CSNK1A1: variants seen among roughly 807,000 people sequenced by gnomAD.
The protein encoded by CSNK1A1 is casein kinase I isoform alpha.
A neutral mutation model predicts 46.1 loss-of-function variants in CSNK1A1; 7 were observed. The observed-to-expected ratio is 0.15, with a 90% CI of 0.09 to 0.29. CSNK1A1 has a LOEUF of 0.29. Among genes scored for constraint, CSNK1A1 ranks in the 10% least tolerant of loss-of-function variants. CSNK1A1 has a pLI of 1.00. For missense variants in CSNK1A1, 96 were observed against 417.1 expected (o/e 0.23, Z 6.71); for synonymous variants, 137 against 141.5 (o/e 0.97, Z 0.23).
intron 9 of CSNK1A1, among the ~76,000 whole-genome samples, chr5:149,499,957 T>A (rs1212754829): frequency 7.8e-5 from 6 of 76,558 alleles, no homozygotes; most frequent in Non-Finnish European, 1.7e-4. Flanking sequence ...GGGGTTTTTT[T>A]TCTTTTTTTC....
Position 149,505,535 on chromosome 5 carries a change from T to C in CSNK1A1, c.918A>G (p.Ala306=), listed in dbSNP as rs757227847. 7 of 1,614,078 alleles carry C rather than the reference T, an allele frequency of 4.3e-6. No homozygotes were observed. The highest frequency in any genetic ancestry group is 5.9e-6 in the Non-Finnish European group (7 of 1,180,046). ...FDWTMLKQKA[A]QQAASSSGQG... is the part of the protein sequence containing the mutation. Reference sequence around the variant, plus strand: ...GCCCACTGGAAGAGGCTGCCTGCTGTGCTGCTTTCTGCTTTAACATTGTCC... The same window carrying C: ...GCCCACTGGAAGAGGCTGCCTGCTGCGCTGCTTTCTGCTTTAACATTGTCC... The change falls in exon 9 of 10, where the codon GCA becomes GCG. Residue 306 remains alanine (A), a synonymous_variant. Coordinates refer to ENST00000377843, the MANE Select transcript of CSNK1A1 (RefSeq NM_001892.6).
At chr5:149,498,493 A>G (rs1760725829) in intron 9 of CSNK1A1, 3 of 985,350 alleles carry the variant, frequency 3.0e-6, no homozygotes, top group Non-Finnish European at 2.4e-6. Flanking sequence ...TTTAAAATAC[A>G]GGAAAAGTTT....
At chr5:149,530,696 G>A (rs557230894) in intron 2 of CSNK1A1, among the ~76,000 whole-genome samples, 13 of 152,118 alleles carry the variant, frequency 8.5e-5, no homozygotes, top group Non-Finnish European at 1.6e-4. Context: ...GGCCAGGCGC[G>A]GTGGCTCACG....
intron 2 of CSNK1A1, among the ~76,000 whole-genome samples, chr5:149,534,507 A>G (rs1762000264): frequency 7.1e-6 from 1 of 141,292 alleles, no homozygotes. Context: ...AAAAAAAAAA[A>G]AGAAGGCTTC....
intron 2 of CSNK1A1, chr5:149,545,649 A>G (rs1762456435): frequency 1.1e-5 from 10 of 892,046 alleles, no homozygotes; most frequent in Middle Eastern, 3.5e-4. Flanking sequence ...CAGCAAGTGC[A>G]CTCATTGCCT....
intron 2 of CSNK1A1, among the ~76,000 whole-genome samples, chr5:149,531,067 T>C (rs1364161929): frequency 6.6e-6 from 1 of 152,056 alleles, no homozygotes; most frequent in Admixed American, 6.6e-5. Context: ...CATATTTGTA[T>C]ATGCCATTCT....
chr5:149,522,097 T>C (rs1164999182), intron 3 of CSNK1A1, among the ~76,000 whole-genome samples: 1 of 152,134 alleles, frequency 6.6e-6, no homozygotes, highest in Non-Finnish European at 1.5e-5. Context: ...TTGTATACAA[T>C]AGAAGTTCTG....
intron 4 of CSNK1A1, among the ~76,000 whole-genome samples, chr5:149,516,884 G>C (rs1317854369): frequency 6.6e-6 from 1 of 152,128 alleles, no homozygotes; most frequent in African/African-American, 2.4e-5. Context: ...GATACATGTG[G>C]ATAATTTAAG....
At chr5:149,535,709 G>A (rs988551433) in intron 2 of CSNK1A1, among the ~76,000 whole-genome samples, 11 of 151,962 alleles carry the variant, frequency 7.2e-5, no homozygotes, top group African/African-American at 2.2e-4. Flanking sequence ...GCACAATCTC[G>A]GCTCACTGCA....
chr5:149,535,925 G>A (rs886729078), intron 2 of CSNK1A1, among the ~76,000 whole-genome samples: 1 of 151,630 alleles, frequency 6.6e-6, no homozygotes, highest in African/African-American at 2.4e-5. Flanking sequence ...AGATTACAGG[G>A]GTGAGCTACC....
Position 149,494,143 on chromosome 5 carries a change from A to T in CSNK1A1, c.*2710T>A, listed in dbSNP as rs2113023883. On this transcript the variant is annotated 3_prime_UTR_variant, in exon 10 of 10. Coordinates refer to ENST00000377843, the MANE Select transcript of CSNK1A1 (RefSeq NM_001892.6). Reference sequence around the variant, plus strand: ...TGTTTGATTATTTTTATTATAATGAAATTAAACTTATGACTATTACAGTAT... The same window carrying T: ...TGTTTGATTATTTTTATTATAATGATATTAAACTTATGACTATTACAGTAT... The T allele has an allele frequency of 6.6e-6, 1 of 152,310 alleles. No individual in the cohort carries two copies. The highest frequency in any genetic ancestry group is 2.4e-5 in the African/African-American group (1 of 41,580). 9.4% of individuals were successfully genotyped at this position (152,310 alleles called of 1,614,324 possible). A position where few individuals can be genotyped will look rare whatever the true frequency, so the allele number is the denominator to read the frequency against.
At chr5:149,501,109 G>A (rs1760843161) in intron 9 of CSNK1A1, 2 of 985,394 alleles carry the variant, frequency 2.0e-6, no homozygotes, top group Non-Finnish European at 2.4e-6. Context: ...TCTTCTAACA[G>A]TTGTGCTATC....
At chr5:149,535,547 A>T (rs1242124629) in intron 2 of CSNK1A1, among the ~76,000 whole-genome samples, 1 of 152,216 alleles carries the variant, frequency 6.6e-6, no homozygotes, top group African/African-American at 2.4e-5. Context: ...CATGTACATT[A>T]AAAAGTTTCA....
chr5:149,509,412 T>C (rs1761141904), intron 7 of CSNK1A1, among the ~76,000 whole-genome samples: 1 of 152,192 alleles, frequency 6.6e-6, no homozygotes, highest in Non-Finnish European at 1.5e-5. Flanking sequence ...AGTCTTACTC[T>C]GTTACCTAGG....
intron 9 of CSNK1A1, 112 bp downstream of exon 9, chr5:149,505,335 A>C (rs887130703): frequency 2.6e-5 from 38 of 1,457,286 alleles, no homozygotes; most frequent in Non-Finnish European, 3.3e-5. Context: ...CGCAGAGCCA[A>C]ATTTTTATGT....
At chr5:149,527,660 CTTTTG>C (rs770090603) in intron 2 of CSNK1A1, among the ~76,000 whole-genome samples, 3 of 152,096 alleles carry the variant, frequency 2.0e-5, no homozygotes, top group Non-Finnish European at 4.4e-5. Context: ...ATTTTATTTT[CTTTTG>C]TTATTTTCCC....
chr5:149,504,619 G>C (rs192456622), intron 9 of CSNK1A1: 390 of 985,380 alleles, frequency 4.0e-4, no homozygotes, highest in East Asian at 1.1e-3. Flanking sequence ...GGCAGTAAGA[G>C]TGCCAAAGAA....
In CSNK1A1 at chr5:149,501,311, G is replaced by T. The variant is rs779568453; in HGVS notation, c.1006+4136C>A. 5.1e-6 allele frequency: 5 copies of T among 985,276 alleles called. No individual in the cohort carries two copies. The African/African-American group carries it at 8.7e-5, about 17-fold the overall frequency. The allele number at this position is 985,276 out of a possible 1,614,324, so 61.0% of individuals were successfully genotyped here. On this transcript the variant is annotated intron_variant, in intron 9 of 9. Transcript: ENST00000377843. ...TTCAAGATTTCAGCAAGAAGATGCGGTTCCCTGGTACTTCTTAGAATTGAG... is the reference window on the plus strand; with the variant it reads ...TTCAAGATTTCAGCAAGAAGATGCGTTTCCCTGGTACTTCTTAGAATTGAG...
intron 9 of CSNK1A1, chr5:149,500,994 C>T (rs753158138): frequency 9.1e-6 from 9 of 985,210 alleles, no homozygotes; most frequent in South Asian, 4.7e-5. Flanking sequence ...ACATTTCTGA[C>T]GTTCTGGAGT....
Sources: allele counts gnomAD v4.1 joint callset (sites outside exome capture counted in the v4.1 genomes callset), GRCh38; gene constraint gnomAD v4.1.1; transcripts MANE v1.5; gene names NCBI Gene and HGNC (gene_info 2026-07-23, HGNC 2026-07-21).